Variants in INTS7 observed in about 807,000 individuals in gnomAD.
INTS7 encodes the protein chromosome 1 open reading frame 73.
In INTS7, 46 loss-of-function variants were observed where a neutral mutation model predicts 109.2. The ratio of observed to expected loss-of-function variants is 0.42; its 90% CI spans 0.33 to 0.54. The LOEUF (loss-of-function observed/expected upper bound fraction) is 0.54, where lower values mean the gene tolerates loss of function less well. Ranked by LOEUF, INTS7 falls within the 20% of genes least tolerant of loss-of-function variation. The probability of loss-of-function intolerance (pLI) is 0.07; values close to 1 mark genes in which losing one functional copy is unlikely to be tolerated. For synonymous variants in INTS7, 412 were observed against 402.9 expected (o/e 1.02, Z -0.27); for missense variants, 929 against 1,132.4 (o/e 0.82, Z 2.58).
intron 4 of INTS7, among the ~76,000 whole-genome samples, chr1:212,015,710 T>A (rs1571908824): frequency 1.4e-4 from 5 of 34,978 alleles, no homozygotes; most frequent in East Asian, 1.0e-3. Context: ...CAATAAATAC[T>A]AAAAAAAAAA....
intron 1 of INTS7, among the ~76,000 whole-genome samples, chr1:212,028,310 C>A (rs981400230): frequency 6.6e-6 from 1 of 152,218 alleles, no homozygotes; most frequent in African/African-American, 2.4e-5. Flanking sequence ...TCATACTTCA[C>A]ATAAAACCCC....
chr1:211,978,365 T>C lies in INTS7; in HGVS notation c.1377A>G (p.Gln459=), dbSNP rs1043940420. 57 of 1,614,016 alleles carry C rather than the reference T, an allele frequency of 3.5e-5. No homozygotes were observed. The highest frequency in any genetic ancestry group is 3.3e-4 in the Admixed American group (20 of 59,988). ...GCATCCCATCACCCAGCACCGGCAGTTGCATGGCAATGGCTGCCAGGCAAT... is the reference window on the plus strand; with the variant it reads ...GCATCCCATCACCCAGCACCGGCAGCTGCATGGCAATGGCTGCCAGGCAAT... The part of the protein sequence containing the change: ...MCHCLAAIAM[Q]LPVLGDGMLG... Residue 459 remains glutamine, a synonymous_variant, in exon 11 of 20, where the codon CAA becomes CAG. Transcript: ENST00000366994.
chr1:211,994,608 T>G (rs1030952976), intron 7 of INTS7, among the ~76,000 whole-genome samples: 2 of 151,660 alleles, frequency 1.3e-5, no homozygotes, highest in Non-Finnish European at 2.9e-5. Flanking sequence ...AGTTTTTTTT[T>G]GTTTAGTAGA....
At chr1:211,949,793 G>C (rs1571839862) in intron 17 of INTS7, among the ~76,000 whole-genome samples, 2 of 152,132 alleles carry the variant, frequency 1.3e-5, no homozygotes, top group Non-Finnish European at 2.9e-5. Context: ...TTGTCACCTG[G>C]CCACTGGCTA....
intron 13 of INTS7, among the ~76,000 whole-genome samples, chr1:211,971,899 G>A (rs1664187159): frequency 1.0e-5 from 1 of 97,494 alleles, no homozygotes; most frequent in African/African-American, 4.0e-5. Flanking sequence ...CTGGTGACAA[G>A]AGTGAAACTC....
At chr1:211,954,543 G>C (rs1369785268) in intron 16 of INTS7, among the ~76,000 whole-genome samples, 1 of 152,110 alleles carries the variant, frequency 6.6e-6, no homozygotes, top group East Asian at 1.9e-4. Context: ...AAACATGTAA[G>C]TCTTTAATCC....
At chr1:212,022,858 A>G (rs574723627) in intron 1 of INTS7, among the ~76,000 whole-genome samples, 1 of 152,290 alleles carries the variant, frequency 6.6e-6, no homozygotes, top group South Asian at 2.1e-4. Flanking sequence ...GGTAGTGAGC[A>G]TAGTACCCAA....
intron 13 of INTS7, among the ~76,000 whole-genome samples, chr1:211,969,876 G>T (rs374536772): frequency 6.6e-6 from 1 of 151,858 alleles, no homozygotes; most frequent in Non-Finnish European, 1.5e-5. Context: ...CTGCCACCAC[G>T]CCTGGCTAAT....
At chr1:211,952,511 A>G (rs1007272951) in intron 17 of INTS7, 58 bp downstream of exon 17, 2 of 1,561,248 alleles carry the variant, frequency 1.3e-6, no homozygotes, top group Non-Finnish European at 1.7e-6. Context: ...AAGTGCCATA[A>G]ATGTATGAAA....
At position 212,035,515 on chromosome 1, in the gene INTS7, C is replaced by T. The variant is rs1667404265; in HGVS notation, c.-78G>A. The T allele has an allele frequency of 8.9e-7, 1 of 1,120,814 alleles. No individual in the cohort carries two copies. The highest frequency in any genetic ancestry group is 1.4e-6 in the Non-Finnish European group (1 of 735,724). The allele number at this position is 1,120,814 out of a possible 1,614,324, so 69.4% of individuals were successfully genotyped here. A position where few individuals can be genotyped will look rare whatever the true frequency, so the allele number is the denominator to read the frequency against. The stretch of plus-strand genomic sequence containing the variant: ...CAGGACCGCCATCTTCCCCCGCCGC[C>T]TTCTTGCTGGTTTTTCTTCCGCGCG... On this transcript the variant is annotated 5_prime_UTR_variant, in exon 1 of 20. Transcript: ENST00000366994.
chr1:211,981,192 T>C lies in INTS7; in HGVS notation c.1133-2A>G. ...CATCTTGTTCCAGTGCCAAAAGATC[T>C]AGAAGAAAAACAGTAAACTTTATGA... On this transcript the variant is annotated splice_acceptor_variant, in intron 9 of 19. Coordinates refer to ENST00000366994, the MANE Select transcript of INTS7 (RefSeq NM_015434.4). LOFTEE classifies it high-confidence loss of function. The C allele has an allele frequency of 3.1e-6, 5 of 1,601,312 alleles. No homozygotes were observed. Among genetic ancestry groups the C allele is most frequent in the African/African-American group, 1.3e-5 (1 of 74,724 alleles).
At chr1:211,956,844 T>C (rs1026260845) in intron 16 of INTS7, among the ~76,000 whole-genome samples, 1 of 152,238 alleles carries the variant, frequency 6.6e-6, no homozygotes, top group Admixed American at 6.5e-5. Flanking sequence ...GAGAGACACT[T>C]GGGTTTTTCC....
intron 8 of INTS7, among the ~76,000 whole-genome samples, chr1:211,984,415 G>A (rs1664802804): frequency 6.6e-6 from 1 of 151,776 alleles, no homozygotes; most frequent in African/African-American, 2.4e-5. Context: ...TCACAAACCA[G>A]CATGACCTTA....
chr1:211,987,743 G>A (rs1389511093), intron 8 of INTS7, 143 bp downstream of exon 8: 6 of 441,794 alleles, frequency 1.4e-5, no homozygotes, highest in Non-Finnish European at 2.0e-5. Context: ...AAGAAATCAT[G>A]TTCAAATAAA....
chr1:211,975,205 T>C lies in INTS7; in HGVS notation c.1776A>G (p.Glu592=). The stretch of plus-strand genomic sequence containing the variant: ...TCCCTTTGTGATAGAATTTTAAAGA[T>C]TCAGCAATGCAAGAAAGTGCTGAAC... ...NYSSALSCIA[E]SLKFYHKGIA... is the part of the protein sequence containing the mutation. Residue 592 remains glutamate, a synonymous_variant, in exon 13 of 20, where the codon GAA becomes GAG. Coordinates refer to ENST00000366994, the MANE Select transcript of INTS7 (RefSeq NM_015434.4). 2.5e-6 allele frequency: 4 copies of C among 1,613,926 alleles called. No homozygotes were observed. The highest frequency in any genetic ancestry group is 3.4e-6 in the Non-Finnish European group (4 of 1,179,816).
intron 4 of INTS7, among the ~76,000 whole-genome samples, chr1:212,012,718 A>T (rs1214327008): frequency 2.6e-5 from 4 of 152,232 alleles, no homozygotes; most frequent in Non-Finnish European, 2.9e-5. Flanking sequence ...CATTTCCACA[A>T]GTGAAGAATC....
intron 14 of INTS7, 32 bp from the exon 15 acceptor site, chr1:211,968,013 C>T: frequency 1.7e-6 from 2 of 1,171,140 alleles, no homozygotes; most frequent in South Asian, 1.4e-5. Flanking sequence ...GACAAACAAA[C>T]ATGCTATCAT....
At position 211,940,583 on chromosome 1, in the gene INTS7, A is replaced by G. The variant is rs1662585887; in HGVS notation, c.*1241T>C. The G allele has an allele frequency of 6.6e-6, 1 of 152,184 alleles. No homozygotes were observed. The highest frequency in any genetic ancestry group is 2.1e-4 in the South Asian group (1 of 4,832). The allele number at this position is 152,184 out of a possible 1,614,324, so 9.4% of individuals were successfully genotyped here. On this transcript the variant is annotated 3_prime_UTR_variant, in exon 20 of 20. Coordinates refer to ENST00000366994, the MANE Select transcript of INTS7 (RefSeq NM_015434.4). ...TCCCCAATCAAAAAGCAGTTAAGTT[A>G]TATCTACCATACTGTGCTAAGAAAG...
intron 8 of INTS7, among the ~76,000 whole-genome samples, chr1:211,987,318 C>A (rs55886328): frequency 0.32 from 48,809 of 150,346 alleles, 8,942 homozygotes; most frequent in Middle Eastern, 0.42. Flanking sequence ...ACAACAACAA[C>A]AAAAAAAAAC....
Sources: gnomAD v4.1 joint callset for allele counts (sites outside exome capture counted in the v4.1 genomes callset) on GRCh38, gnomAD v4.1.1 for gene constraint, MANE v1.5 for transcripts, NCBI Gene and HGNC (gene_info 2026-07-23, HGNC 2026-07-21) for gene names.